The following SEMA6D variants were observed in gnomAD, a reference collection of about 807,000 sequenced individuals.
SEMA6D encodes the protein semaphorin 6D.
Under a neutral mutation model 106.6 loss-of-function variants are expected in SEMA6D, and 35 were observed. The ratio of observed to expected loss-of-function variants is 0.33; its 90% CI spans 0.25 to 0.44. SEMA6D has a LOEUF of 0.44. Ranked by LOEUF, SEMA6D falls within the 20% of genes least tolerant of loss-of-function variation. The pLI, the probability that SEMA6D is intolerant of heterozygous loss-of-function variation, is 1.00. For missense variants in SEMA6D, 1,185 were observed against 1,345.9 expected (o/e 0.88, Z 1.87); for synonymous variants, 499 against 487.7 (o/e 1.02, Z -0.31).
intron 1 of SEMA6D, among the ~76,000 whole-genome samples, chr15:47,233,952 G>A (rs12591429): frequency 0.16 from 23,971 of 151,850 alleles, 3,191 homozygotes; most frequent in East Asian, 0.67. Flanking sequence ...CCAATACAAT[G>A]TTGAATACAC....
chr15:47,246,905 G>A (rs1157615018), intron 1 of SEMA6D, among the ~76,000 whole-genome samples: 2 of 152,118 alleles, frequency 1.3e-5, no homozygotes, highest in African/African-American at 2.4e-5. Flanking sequence ...GGGAGAAAAC[G>A]GGTCTGGGTG....
At chr15:47,191,938 G>C (rs1893992067) in intron 1 of SEMA6D, among the ~76,000 whole-genome samples, 1 of 152,142 alleles carries the variant, frequency 6.6e-6, no homozygotes, top group South Asian at 2.1e-4. Context: ...ATTAGACCAA[G>C]GTTATCATAG....
chr15:47,467,956 ATAT>A (rs2042713386), intron 2 of SEMA6D, among the ~76,000 whole-genome samples: 1 of 152,062 alleles, frequency 6.6e-6, no homozygotes, highest in Non-Finnish European at 1.5e-5. Context: ...TATTATAATA[ATAT>A]TATAATACCG....
At chr15:47,604,842 G>A (rs974848905) in intron 4 of SEMA6D, among the ~76,000 whole-genome samples, 9 of 148,958 alleles carry the variant, frequency 6.0e-5, no homozygotes, top group South Asian at 2.2e-4. Context: ...GACTGTAGGC[G>A]CCCACCACCA....
At chr15:47,380,051 C>T (rs1399374506) in intron 1 of SEMA6D, among the ~76,000 whole-genome samples, 2 of 152,040 alleles carry the variant, frequency 1.3e-5, no homozygotes, top group Admixed American at 1.3e-4. Flanking sequence ...CCACCATGCC[C>T]GGCCAAGATT....
Position 47,591,538 on chromosome 15 carries a change from G to A in SEMA6D, c.-86-9327G>A, listed in dbSNP as rs117220537. ...TTTACATGGCACCTAGCTTCCCCCAGAGCAAGTGTTCCAGGAGACCCAGGT... is the reference window on the plus strand; with the variant it reads ...TTTACATGGCACCTAGCTTCCCCCAAAGCAAGTGTTCCAGGAGACCCAGGT... On this transcript the variant is annotated intron_variant, in intron 3 of 19. Coordinates refer to the SEMA6D transcript ENST00000558014. 7.0e-3 allele frequency among the ~76,000 whole-genome samples: 1,063 copies of A among 152,254 alleles called. 5 individuals carry two copies. The highest frequency in any genetic ancestry group is 0.019 in the Admixed American group (283 of 15,294).
Position 47,770,604 on chromosome 15 carries a change from G to C in SEMA6D, c.2041G>C (p.Val681Leu). 1 of 1,614,072 alleles carries C rather than the reference G, an allele frequency of 6.2e-7. No individual in the cohort carries two copies. Among genetic ancestry groups the C allele is most frequent in the South Asian group, 1.1e-5 (1 of 91,070 alleles). The part of the protein sequence containing the change: ...AFVLGAFIAG[V>L]AVYCYRDMFV... ...TGTTTTGGGGGCATTCATTGCAGGTGTGGCAGTATACTGCTATCGAGACAT... is the reference window on the plus strand; with the variant it reads ...TGTTTTGGGGGCATTCATTGCAGGTCTGGCAGTATACTGCTATCGAGACAT... Residue 681 changes from valine to leucine, a missense_variant, in exon 19 of 19, where the codon GTG (valine) becomes CTG (leucine). Physicochemically the swap from Val to Leu is conservative, Grantham distance 32. This residue lies in a region of SEMA6D where 750 missense variants were observed against 783.5 expected (regional missense o/e 0.96). Transcript: ENST00000536845.
intron 16 of SEMA6D, 53 bp downstream of exon 16, chr15:47,766,730 A>G: frequency 8.2e-7 from 1 of 1,223,148 alleles, no homozygotes; most frequent in Non-Finnish European, 1.2e-6. Context: ...CCACATTTGC[A>G]CGTCGACATT....
At chr15:47,262,732 A>T (rs972572141) in intron 1 of SEMA6D, among the ~76,000 whole-genome samples, 4 of 152,170 alleles carry the variant, frequency 2.6e-5, no homozygotes, top group Admixed American at 6.6e-5. Flanking sequence ...AAGAGCCCTA[A>T]TAGCCAAGAC....
chr15:47,729,954 T>A (rs1008316485), intron 1 of SEMA6D, among the ~76,000 whole-genome samples: 74 of 152,196 alleles, frequency 4.9e-4, no homozygotes, highest in African/African-American at 1.8e-3. Context: ...AGTTTTCTCC[T>A]TAGGACAAAG....
chr15:47,234,670 A>C (rs1434221378), intron 1 of SEMA6D, among the ~76,000 whole-genome samples: 1 of 152,034 alleles, frequency 6.6e-6, no homozygotes, highest in Non-Finnish European at 1.5e-5. Flanking sequence ...GTTGCAAAAG[A>C]CATTAGTTCC....
chr15:47,631,219 G>A (rs995149174), intron 4 of SEMA6D, among the ~76,000 whole-genome samples: 1 of 151,618 alleles, frequency 6.6e-6, no homozygotes, highest in Non-Finnish European at 1.5e-5. Context: ...ATAACTCTGG[G>A]GCCTGAAAAT....
intron 3 of SEMA6D, among the ~76,000 whole-genome samples, chr15:47,502,107 C>G (rs969086459): frequency 6.6e-6 from 1 of 152,072 alleles, no homozygotes; most frequent in Non-Finnish European, 1.5e-5. Context: ...CAGTATTTAT[C>G]CAGAGACAGA....
chr15:47,735,753 C>CGT (rs1002237878), intron 1 of SEMA6D, among the ~76,000 whole-genome samples: 2 of 152,154 alleles, frequency 1.3e-5, no homozygotes, highest in Non-Finnish European at 2.9e-5. Context: ...ACAAGCCTGC[C>CGT]GTCGGCCTGA....
chr15:47,588,858 C>G (rs1035848527), intron 3 of SEMA6D, among the ~76,000 whole-genome samples: 1 of 152,112 alleles, frequency 6.6e-6, no homozygotes. Context: ...GGTTCTCGAT[C>G]AGGGCAGTTT....
chr15:47,586,960 G>A (rs1250934004), intron 3 of SEMA6D, among the ~76,000 whole-genome samples: 1 of 144,364 alleles, frequency 6.9e-6, no homozygotes, highest in Non-Finnish European at 1.5e-5. Flanking sequence ...GGTGTTTCCA[G>A]TGGGCTGGGA....
At chr15:47,405,465 C>T (rs1392321876) in intron 1 of SEMA6D, among the ~76,000 whole-genome samples, 1 of 152,102 alleles carries the variant, frequency 6.6e-6, no homozygotes. Context: ...AGGGCTAAGT[C>T]ATTTTAAGGG....
chr15:47,549,481 A>G (rs1217582289), intron 3 of SEMA6D, among the ~76,000 whole-genome samples: 1 of 152,146 alleles, frequency 6.6e-6, no homozygotes, highest in Non-Finnish European at 1.5e-5. Context: ...GCCACTGTAT[A>G]GTGAGCCTGT....
rs1298295337 is a variant in SEMA6D, at chr15:47,767,050, T to C, written c.1722T>C (p.Thr574=). The part of the protein sequence containing the change: ...HLGDCHEILP[T]STTPDYKIFG... ...TAATTCTTTTAGAAATTTTGCCTAC[T>C]TCAACTACACCAGATTACAAAATAT... Residue 574 remains threonine (T), a synonymous_variant, in exon 17 of 19, where the codon ACT becomes ACC. Transcript: ENST00000536845. 6.4e-7 allele frequency: 1 copy of C among 1,567,164 alleles called. No homozygotes were observed. Among genetic ancestry groups the C allele is most frequent in the South Asian group, 1.2e-5 (1 of 81,488 alleles).
Sources: allele counts gnomAD v4.1 joint callset (sites outside exome capture counted in the v4.1 genomes callset), GRCh38; gene constraint gnomAD v4.1.1; regional missense constraint gnomAD v4.1.1; transcripts MANE v1.5; gene names NCBI Gene and HGNC (gene_info 2026-07-23, HGNC 2026-07-21).